Variants in TTC7A observed in about 807,000 individuals in gnomAD.
TTC7A encodes the protein tetratricopeptide repeat protein 7A.
In TTC7A, 110 loss-of-function variants were observed where a neutral mutation model predicts 103.7. The ratio of observed to expected loss-of-function variants is 1.06; its 90% CI spans 0.91 to 1.24. TTC7A has a LOEUF of 1.24. TTC7A is among the 50% of genes most tolerant of loss of function. The pLI, the probability that TTC7A is intolerant of heterozygous loss-of-function variation, is 0.00. For missense variants in TTC7A, 1,340 were observed against 1,116.3 expected, an observed-to-expected ratio of 1.20 and a Z score of -2.86; for synonymous variants, 521 against 467.9, an observed-to-expected ratio of 1.11 and a Z score of -1.47.
chr2:47,058,582 G>A (rs1216418315), intron 18 of TTC7A, among the ~76,000 whole-genome samples: 1 of 152,214 alleles, frequency 6.6e-6, no homozygotes, highest in Non-Finnish European at 1.5e-5. Flanking sequence ...GCTTTTGCTA[G>A]GCAGGGTTCT....
chr2:46,952,516 C>G (rs979707335), intron 2 of TTC7A, among the ~76,000 whole-genome samples: 3 of 152,154 alleles, frequency 2.0e-5, no homozygotes, highest in Non-Finnish European at 4.4e-5. Flanking sequence ...CTTTGGGAGG[C>G]TAAGGTGGGA....
chr2:46,952,306 G>GT (rs1280597078), intron 2 of TTC7A, among the ~76,000 whole-genome samples: 1 of 151,944 alleles, frequency 6.6e-6, no homozygotes, highest in East Asian at 1.9e-4. Flanking sequence ...GATTGGTGGG[G>GT]TTCAAGCTTT....
rs139315544 is a variant in TTC7A, at chr2:46,944,655, C to T, written c.184+2930C>T. Among the ~76,000 whole-genome samples, 25 of 152,214 alleles carry T rather than the reference C, an allele frequency of 1.6e-4. No homozygotes were observed. The East Asian group carries it at 4.2e-3, about 26-fold the overall frequency. On this transcript the variant is annotated intron_variant, in intron 1 of 19. Coordinates refer to ENST00000319190, the MANE Select transcript of TTC7A (RefSeq NM_020458.4). ...GGAGGATCACTTGAGGCCAGGAGTT[C>T]GAGATCAGCCCAGGCAACATACCTC...
At chr2:46,940,820 G>A (rs1000053501), upstream of TTC7A, among the ~76,000 whole-genome samples, 45 of 152,114 alleles carry the variant, frequency 3.0e-4, no homozygotes, top group African/African-American at 1.0e-3. This position sits in a 1 kb window ranked among gnomAD's most constrained non-coding sequence, Gnocchi z 4.7. Flanking sequence ...GCCAGCTCCC[G>A]GGAGGCTCGC....
chr2:47,034,669 C>T (rs1360693393), intron 15 of TTC7A, among the ~76,000 whole-genome samples: 1 of 152,150 alleles, frequency 6.6e-6, no homozygotes, highest in African/African-American at 2.4e-5. Context: ...TTTGAAAGCC[C>T]AGGCCATACA....
chr2:46,975,151 C>G, intron 4 of TTC7A, 48 bp downstream of exon 4: 1 of 1,606,396 alleles, frequency 6.2e-7, no homozygotes, highest in South Asian at 1.1e-5. Context: ...TATTGAGCAC[C>G]TATGTCTATG....
At chr2:47,061,561 C>G (rs1197965886) in intron 19 of TTC7A, among the ~76,000 whole-genome samples, 9 of 152,162 alleles carry the variant, frequency 5.9e-5, no homozygotes, top group Non-Finnish European at 1.3e-4. Flanking sequence ...CTTGGGTGTC[C>G]AGGGCACAGT....
At chr2:47,030,581 C>T (rs1489097845) in intron 15 of TTC7A, among the ~76,000 whole-genome samples, 1 of 152,202 alleles carries the variant, frequency 6.6e-6, no homozygotes, top group African/African-American at 2.4e-5. Flanking sequence ...TAATGTGCCT[C>T]CCTGAAGAGG....
chr2:47,024,326 CTA>C lies in TTC7A; in HGVS notation c.1610_1611del (p.Tyr537CysfsTer28). 1 of 1,609,518 alleles carries C rather than the reference CTA, an allele frequency of 6.2e-7. No homozygotes were observed. Among genetic ancestry groups the C allele is most frequent in the Non-Finnish European group, 8.5e-7 (1 of 1,177,920 alleles). On this transcript the variant is annotated frameshift_variant, in exon 14 of 20. Transcript: ENST00000319190. LOFTEE classifies it high-confidence loss of function. ...CGCCCAGTGACCCCCAGGTCATCCTCTATGTCTCGCTGCAGCTGGCCCTCGTC... is the reference window on the plus strand; with the variant it reads ...CGCCCAGTGACCCCCAGGTCATCCTCTGTCTCGCTGCAGCTGGCCCTCGTC... Reference protein sequence around the residue: ...LAPSDPQVILYVSLQLALVRQ... With the variant: ...LAPSDPQVILXVSLQLALVRQ...
chr2:46,984,888 G>A (rs1286779649), intron 5 of TTC7A, among the ~76,000 whole-genome samples: 1 of 152,190 alleles, frequency 6.6e-6, no homozygotes, highest in South Asian at 2.1e-4. Flanking sequence ...TGGGCAGCCC[G>A]TGGGTGTGTG....
At chr2:47,009,629 G>T (rs957857880) in intron 10 of TTC7A, among the ~76,000 whole-genome samples, 1 of 152,140 alleles carries the variant, frequency 6.6e-6, no homozygotes, top group African/African-American at 2.4e-5. Context: ...CCTGCCAGTT[G>T]CTCATACCCT....
At chr2:47,028,581 A>G (rs1027197269) in intron 14 of TTC7A, among the ~76,000 whole-genome samples, 2 of 152,166 alleles carry the variant, frequency 1.3e-5, no homozygotes, top group African/African-American at 4.8e-5. Context: ...TCCCCACCAC[A>G]TGGAAGGAAA....
intron 11 of TTC7A, among the ~76,000 whole-genome samples, chr2:47,019,763 A>T (rs1679078292): frequency 6.6e-6 from 1 of 152,140 alleles, no homozygotes; most frequent in Non-Finnish European, 1.5e-5. Flanking sequence ...ATGGCCGTGT[A>T]TTCATGGAGT....
intron 3 of TTC7A, chr2:46,974,665 C>T: frequency 2.0e-6 from 1 of 491,772 alleles, no homozygotes; most frequent in Non-Finnish European, 4.0e-6. Context: ...TTTAAAAAAC[C>T]TCATTCTCTT....
chr2:46,970,927 A>G (rs538903835), intron 3 of TTC7A, among the ~76,000 whole-genome samples: 1 of 152,346 alleles, frequency 6.6e-6, no homozygotes, highest in African/African-American at 2.4e-5. Flanking sequence ...GGCCAAGGCA[A>G]CCGAACTTTG....
At chr2:47,037,599 C>T (rs1340818974) in intron 15 of TTC7A, among the ~76,000 whole-genome samples, 2 of 152,184 alleles carry the variant, frequency 1.3e-5, no homozygotes, top group South Asian at 2.1e-4. Flanking sequence ...TTGGCAGGAC[C>T]GCCCTGGTAT....
intron 2 of TTC7A, among the ~76,000 whole-genome samples, chr2:46,922,899 AC>A (rs1044515673): frequency 1.3e-5 from 2 of 152,100 alleles, no homozygotes; most frequent in African/African-American, 4.8e-5. Flanking sequence ...TCTCTTTCCC[AC>A]CAGTCGCAAG....
At chr2:46,955,998 G>A (rs534440657) in intron 2 of TTC7A, among the ~76,000 whole-genome samples, 55 of 152,316 alleles carry the variant, frequency 3.6e-4, no homozygotes, top group Non-Finnish European at 7.8e-4. Context: ...GAGAACTGGG[G>A]CCATGTCCAA....
rs185431710 is a variant in TTC7A at position 47,056,697 on chromosome 2, C to G, written c.2153-4072C>G. 2.9e-3 allele frequency among the ~76,000 whole-genome samples: 446 copies of G among 152,108 alleles called. 3 individuals are homozygous for G. Among genetic ancestry groups the G allele is most frequent in the African/African-American group, 6.5e-3 (268 of 41,474 alleles). On this transcript the variant is annotated intron_variant, in intron 18 of 19. Coordinates refer to ENST00000319190, the MANE Select transcript of TTC7A (RefSeq NM_020458.4). ...CAGATGTTTTCCATTTGTAGCCTGC[C>G]GAGAGAAAGCACAGAGGAGAGGGGG...
Sources: allele counts gnomAD v4.1 joint callset (sites outside exome capture counted in the v4.1 genomes callset), GRCh38; gene constraint gnomAD v4.1.1; non-coding constraint Gnocchi (gnomAD v3.1); transcripts MANE v1.5; gene names NCBI Gene and HGNC (gene_info 2026-07-23, HGNC 2026-07-21).